The following CCDC7 variants were observed in gnomAD, a reference collection of about 807,000 sequenced individuals.
CCDC7 encodes the protein coiled-coil domain containing 7.
A neutral mutation model predicts 196.9 loss-of-function variants in CCDC7; 183 were observed. The ratio of observed to expected loss-of-function variants is 0.93; its 90% CI spans 0.82 to 1.05. CCDC7 has a LOEUF of 1.05. Among genes scored for constraint, CCDC7 ranks in the 50% least tolerant of loss-of-function variants. The probability of loss-of-function intolerance (pLI) is 0.00; values close to 1 mark genes in which losing one functional copy is unlikely to be tolerated. For missense variants in CCDC7, 1,540 were observed against 1,482.2 expected, an observed-to-expected ratio of 1.04 and a Z score of -0.64; for synonymous variants, 525 against 484.6, an observed-to-expected ratio of 1.08 and a Z score of -1.10.
intron 28 of CCDC7, among the ~76,000 whole-genome samples, chr10:32,767,023 C>T (rs1338240734): frequency 6.6e-6 from 1 of 151,990 alleles, no homozygotes; most frequent in South Asian, 2.1e-4. Context: ...AGCCATCTTG[C>T]TCCAATTCTG....
At chr10:32,643,115 G>A (rs2067135807) in intron 20 of CCDC7, among the ~76,000 whole-genome samples, 1 of 152,014 alleles carries the variant, frequency 6.6e-6, no homozygotes, top group Non-Finnish European at 1.5e-5. Flanking sequence ...GAGGCATGTT[G>A]AATTCTCCTC....
At chr10:32,639,313 T>C (rs2066272864) in intron 20 of CCDC7, among the ~76,000 whole-genome samples, 1 of 152,194 alleles carries the variant, frequency 6.6e-6, no homozygotes, top group Admixed American at 6.5e-5. Flanking sequence ...CTAGTTCTTT[T>C]AATTGTTATG....
Position 32,472,417 on chromosome 10 carries a change from A to C in CCDC7, c.678-64A>C, listed in dbSNP as rs1018515707. The stretch of plus-strand genomic sequence containing the variant: ...CTGGACTTCACATTTTAGTTATTTT[A>C]GTGTAATTTAAACTCTTACTCTTTG... On this transcript the variant is annotated intron_variant, in intron 6 of 41. Transcript: ENST00000639629. 9 of 1,388,434 alleles carry C rather than the reference A, an allele frequency of 6.5e-6. No homozygotes were observed. The African/African-American group carries it at 1.3e-4, about 21-fold the overall frequency. 86.0% of individuals were successfully genotyped at this position (1,388,434 alleles called of 1,614,324 possible).
At chr10:32,700,542 C>T (rs990636497) in intron 24 of CCDC7, among the ~76,000 whole-genome samples, 1 of 152,038 alleles carries the variant, frequency 6.6e-6, no homozygotes, top group Non-Finnish European at 1.5e-5. Context: ...ATGCGGGCTC[C>T]TTTTTGGTTT....
intron 21 of CCDC7, among the ~76,000 whole-genome samples, chr10:32,674,442 G>C (rs1426674367): frequency 6.6e-6 from 1 of 151,882 alleles, no homozygotes; most frequent in Admixed American, 6.6e-5. Flanking sequence ...CATTGTGACT[G>C]GAAAATAATC....
At chr10:32,643,542 G>T (rs2067214283) in intron 20 of CCDC7, among the ~76,000 whole-genome samples, 1 of 151,232 alleles carries the variant, frequency 6.6e-6, no homozygotes. Flanking sequence ...TAAATATTTT[G>T]AGCTGCTTTT....
intron 18 of CCDC7, among the ~76,000 whole-genome samples, chr10:32,597,981 G>A (rs183731306): frequency 8.7e-4 from 132 of 152,294 alleles, no homozygotes; most frequent in Middle Eastern, 3.4e-3. Context: ...CAGTCTGTCC[G>A]TTCTCAGATC....
At chr10:32,705,437 C>A (rs1174434397) in intron 24 of CCDC7, among the ~76,000 whole-genome samples, 2 of 152,060 alleles carry the variant, frequency 1.3e-5, no homozygotes, top group African/African-American at 2.4e-5. Context: ...CAGCTAACAT[C>A]AAAATGACAG....
intron 28 of CCDC7, among the ~76,000 whole-genome samples, chr10:32,741,405 A>G (rs2085815095): frequency 6.6e-6 from 1 of 152,214 alleles, no homozygotes; most frequent in African/African-American, 2.4e-5. Context: ...GAGTCTGTAT[A>G]CAGTCATTCC....
exon 6 of CCDC7, chr10:32,471,106 C>T: frequency 1.2e-6 from 2 of 1,611,128 alleles, no homozygotes; most frequent in Non-Finnish European, 1.7e-6. Context: ...GCCTCCAAAA[C>T]CTGACAAAAC....
chr10:32,751,133 T>C (rs2075594066), intron 28 of CCDC7, among the ~76,000 whole-genome samples: 1 of 152,016 alleles, frequency 6.6e-6, no homozygotes, highest in Admixed American at 6.6e-5. Context: ...TATTTTTTTA[T>C]CTGGTAAGGT....
intron 23 of CCDC7, 44 bp from the exon 25 acceptor site, chr10:32,694,835 G>C (rs763185125): frequency 1.8e-6 from 2 of 1,118,450 alleles, no homozygotes; most frequent in South Asian, 4.0e-5. Context: ...TTTCACAGTA[G>C]GTCTGTTTTT....
chr10:32,453,429 C>A (rs1447309644), exon 2 of CCDC7: 1 of 1,532,186 alleles, frequency 6.5e-7, no homozygotes, highest in South Asian at 1.4e-5. Flanking sequence ...GAAGAATTAT[C>A]TTTATCTGTA....
At chr10:32,469,218 T>G (rs2037449537) in intron 5 of CCDC7, among the ~76,000 whole-genome samples, 1 of 151,422 alleles carries the variant, frequency 6.6e-6, no homozygotes, top group Non-Finnish European at 1.5e-5. Context: ...GAAAGTTTAA[T>G]ATAAAGAATT....
intron 28 of CCDC7, among the ~76,000 whole-genome samples, chr10:32,760,037 A>G (rs1001486633): frequency 7.2e-5 from 11 of 152,084 alleles, no homozygotes; most frequent in Admixed American, 1.3e-4. Flanking sequence ...AATCAAAACC[A>G]CAATGAGATA....
intron 24 of CCDC7, among the ~76,000 whole-genome samples, chr10:32,704,087 T>G (rs1253540354): frequency 6.6e-6 from 1 of 152,078 alleles, no homozygotes; most frequent in Non-Finnish European, 1.5e-5. Flanking sequence ...GGAGGAGAGG[T>G]GCTCTGATTT....
intron 18 of CCDC7, among the ~76,000 whole-genome samples, chr10:32,632,628 G>A (rs1022565392): frequency 1.3e-5 from 2 of 152,030 alleles, no homozygotes; most frequent in African/African-American, 2.4e-5. Context: ...TAGTTTTCAT[G>A]TGATGTGTTT....
intron 32 of CCDC7, among the ~76,000 whole-genome samples, chr10:32,828,479 G>GAAGAAGAAGAAGAAGAA (rs1565633928): frequency 1.8e-4 from 11 of 61,560 alleles, no homozygotes; most frequent in South Asian, 6.6e-4. Context: ...AAGAGGAAGA[G>GAAGAAGAAGAAGAAGAA]GAAGAGGAAG....
chr10:32,690,378 C>A (rs77153898), intron 23 of CCDC7, among the ~76,000 whole-genome samples: 21,794 of 152,108 alleles, frequency 0.14, 1,902 homozygotes, highest in African/African-American at 0.25. Context: ...TGTTTTCCAA[C>A]TTATTCTATA....
Sources: gnomAD v4.1 joint callset for allele counts (sites outside exome capture counted in the v4.1 genomes callset) on GRCh38, gnomAD v4.1.1 for gene constraint, MANE v1.5 for transcripts, NCBI Gene and HGNC (gene_info 2026-07-23, HGNC 2026-07-21) for gene names.